Variants in ANKH observed in about 807,000 individuals in gnomAD.
ANKH encodes ANKH inorganic pyrophosphate transport regulator, also known as mineralization regulator ANKH.
ANKH carries 15 observed loss-of-function variants against 49.0 expected under a neutral mutation model. That is an observed-to-expected ratio of 0.31 (90% CI 0.20 to 0.47). ANKH has a LOEUF of 0.47. Among genes scored for constraint, ANKH ranks in the 20% least tolerant of loss-of-function variants. The probability of loss-of-function intolerance (pLI) is 1.00; values close to 1 mark genes in which losing one functional copy is unlikely to be tolerated. For synonymous variants in ANKH, 273 were observed against 260.0 expected, an observed-to-expected ratio of 1.05 and a Z score of -0.48; for missense variants, 429 against 652.0, an observed-to-expected ratio of 0.66 and a Z score of 3.72.
At chr5:14,850,190 C>G (rs981174498) in intron 1 of ANKH, among the ~76,000 whole-genome samples, 11 of 152,326 alleles carry the variant, frequency 7.2e-5, no homozygotes, top group Admixed American at 7.2e-4. Flanking sequence ...CCCCCCACCA[C>G]TCCCACCGGC....
intron 1 of ANKH, among the ~76,000 whole-genome samples, chr5:14,850,160 C>A (rs1742084742): frequency 6.6e-6 from 1 of 152,180 alleles, no homozygotes; most frequent in Non-Finnish European, 1.5e-5. Context: ...CATATCAAGT[C>A]CAAGCCAAGG....
intron 1 of ANKH, among the ~76,000 whole-genome samples, chr5:14,858,277 A>G (rs1000296378): frequency 3.9e-5 from 6 of 152,054 alleles, no homozygotes; most frequent in African/African-American, 1.4e-4. Flanking sequence ...CCCTTCCCCC[A>G]GAGCCCCCAA....
At chr5:14,815,546 C>G (rs911943995) in intron 1 of ANKH, among the ~76,000 whole-genome samples, 2 of 152,188 alleles carry the variant, frequency 1.3e-5, no homozygotes, top group Non-Finnish European at 2.9e-5. Flanking sequence ...CCAGGGTTTC[C>G]AGGGAACCCC....
intron 1 of ANKH, among the ~76,000 whole-genome samples, chr5:14,795,367 T>C (rs1345763279): frequency 1.3e-5 from 2 of 152,210 alleles, no homozygotes; most frequent in Non-Finnish European, 2.9e-5. Flanking sequence ...TAGATGCAGC[T>C]TTTATTCTGA....
At position 14,710,339 on chromosome 5, in the gene ANKH, G is replaced by A. The variant is rs1020075656; in HGVS notation, c.*858C>T. ...TCGCTCTAATGCGACCTTCAGGAAA[G>A]GCGAGGGAAAAGCAAGCCTTCAGGA... On this transcript the variant is annotated 3_prime_UTR_variant, in exon 12 of 12. Transcript: ENST00000284268. The A allele has an allele frequency of 7.9e-5, 12 of 152,246 alleles. No individual in the cohort carries two copies. Among genetic ancestry groups the A allele is most frequent in the African/African-American group, 2.9e-4 (12 of 41,452 alleles). The allele number at this position is 152,246 out of a possible 1,614,324, so 9.4% of individuals were successfully genotyped here.
At chr5:14,868,066 T>C (rs1735705076) in intron 1 of ANKH, among the ~76,000 whole-genome samples, 1 of 152,192 alleles carries the variant, frequency 6.6e-6, no homozygotes, top group Non-Finnish European at 1.5e-5. Context: ...ACAGGTAATG[T>C]TCATGGAGAA....
intron 8 of ANKH, among the ~76,000 whole-genome samples, chr5:14,719,794 G>A (rs1397883661): frequency 2.0e-5 from 3 of 152,138 alleles, no homozygotes; most frequent in African/African-American, 7.2e-5. Context: ...AGGTGGGCTG[G>A]GGACATGGCT....
chr5:14,727,787 G>A (rs1226219483), intron 8 of ANKH, among the ~76,000 whole-genome samples: 1 of 151,998 alleles, frequency 6.6e-6, no homozygotes, highest in Non-Finnish European at 1.5e-5. Context: ...ATGGGCAGAT[G>A]GTGATGACAA....
rs1383617071 is a variant in ANKH at position 14,741,887 on chromosome 5, G to A, written c.951C>T (p.Asn317=). Residue 317 remains asparagine, a synonymous_variant, in exon 8 of 12, where the codon AAC becomes AAT. Coordinates refer to ENST00000284268, the MANE Select transcript of ANKH (RefSeq NM_054027.6). ...NPSNKLVSTS[N]TVTAAHIKKF... ...TCTTGATGTGGGCTGCCGTGACTGT[G>A]TTGCTCGTGCTCACCAGTTTGTTGC... The A allele has an allele frequency of 6.2e-7, 1 of 1,614,188 alleles. No homozygotes were observed.
chr5:14,769,761 G>A (rs1326260267), intron 1 of ANKH, among the ~76,000 whole-genome samples: 1 of 152,050 alleles, frequency 6.6e-6, no homozygotes, highest in African/African-American at 2.4e-5. Flanking sequence ...ATTCATGCAT[G>A]TTGTTTACCT....
chr5:14,770,028 G>C lies in ANKH; in HGVS notation c.97-837C>G, dbSNP rs556790328. On this transcript the variant is annotated intron_variant, in intron 1 of 11. Transcript: ENST00000284268. The surrounding 1 kb of genome is among the most constrained non-coding windows in gnomAD (Gnocchi z 4.1). ...CAGTAACAGCAGACCAGTGGGAATGGATGTCCAGGTAGAGAGAGCTTTCTG... is the reference window on the plus strand; with the variant it reads ...CAGTAACAGCAGACCAGTGGGAATGCATGTCCAGGTAGAGAGAGCTTTCTG... 2.0e-5 allele frequency among the ~76,000 whole-genome samples: 3 copies of C among 152,194 alleles called. No homozygotes were observed. The highest frequency in any genetic ancestry group is 2.0e-4 in the Admixed American group (3 of 15,276).
At chr5:14,832,744 A>G (rs1580103486) in intron 1 of ANKH, among the ~76,000 whole-genome samples, 2 of 152,206 alleles carry the variant, frequency 1.3e-5, no homozygotes, top group Non-Finnish European at 1.5e-5. Context: ...GTTACAAATA[A>G]CGATCTTTGT....
intron 8 of ANKH, among the ~76,000 whole-genome samples, chr5:14,731,563 G>C (rs1360492980): frequency 6.6e-6 from 1 of 152,184 alleles, no homozygotes; most frequent in Non-Finnish European, 1.5e-5. Context: ...GGGATCTGAA[G>C]ACCAACACTG....
At chr5:14,867,229 A>C (rs1312353217) in intron 1 of ANKH, among the ~76,000 whole-genome samples, 2 of 152,096 alleles carry the variant, frequency 1.3e-5, no homozygotes, top group African/African-American at 2.4e-5. Flanking sequence ...GGGAATCAGA[A>C]AAGCTAGAAC....
chr5:14,871,107 G>C, intron 1 of ANKH: 1 of 633,946 alleles, frequency 1.6e-6, no homozygotes, highest in Non-Finnish European at 2.9e-6. Flanking sequence ...TTCCATAGGT[G>C]AAGCTTCACA....
At chr5:14,847,222 G>A (rs1061813) in intron 1 of ANKH, among the ~76,000 whole-genome samples, 84,201 of 151,790 alleles carry the variant, frequency 0.55, 23,847 homozygotes, top group East Asian at 0.84. Context: ...AAGAAAGAGA[G>A]AAAAGTTGGC....
At chr5:14,779,411 C>T (rs963549152) in intron 1 of ANKH, among the ~76,000 whole-genome samples, 23 of 152,216 alleles carry the variant, frequency 1.5e-4, no homozygotes, top group Admixed American at 5.2e-4. Flanking sequence ...CTCCTCTGTG[C>T]TCTGCAGCCC....
At chr5:14,798,100 C>T in intron 1 of ANKH, 3 of 1,566,144 alleles carry the variant, frequency 1.9e-6, no homozygotes, top group Non-Finnish European at 2.6e-6. Flanking sequence ...TCTCCTTTCT[C>T]TCTGTCGTAG....
chr5:14,827,751 T>C (rs1269599590), intron 1 of ANKH, among the ~76,000 whole-genome samples: 1 of 135,870 alleles, frequency 7.4e-6, no homozygotes, highest in African/African-American at 2.8e-5. Flanking sequence ...TCCTAAGACC[T>C]ATTTTTTTTG....
Sources: allele counts gnomAD v4.1 joint callset (sites outside exome capture counted in the v4.1 genomes callset), GRCh38; gene constraint gnomAD v4.1.1; non-coding constraint Gnocchi (gnomAD v3.1); transcripts MANE v1.5; gene names NCBI Gene and HGNC (gene_info 2026-07-23, HGNC 2026-07-21).